IL1RAPL1: variants seen among roughly 807,000 people sequenced by gnomAD.
IL1RAPL1 encodes interleukin-1 receptor accessory protein-like 1.
IL1RAPL1 carries 3 observed loss-of-function variants against 48.4 expected under a neutral mutation model. That is an observed-to-expected ratio of 0.06 (90% CI 0.03 to 0.16). The LOEUF (loss-of-function observed/expected upper bound fraction) is 0.16, where lower values mean the gene tolerates loss of function less well. IL1RAPL1 is among the 10% of genes least tolerant of loss of function. IL1RAPL1 has a pLI of 1.00. For synonymous variants in IL1RAPL1, 185 were observed against 187.7 expected (o/e 0.99, Z 0.12); for missense variants, 349 against 530.6 (o/e 0.66, Z 3.36).
At chrX:29,226,172 T>C (rs1352192319) in intron 2 of IL1RAPL1, among the ~76,000 whole-genome samples, 2 of 111,966 alleles carry the variant, frequency 1.8e-5, no homozygotes, top group Non-Finnish European at 3.8e-5. Context: ...TACCATTGTC[T>C]GTCTAGATGG....
At chrX:28,822,117 C>T (rs1936943392) in intron 2 of IL1RAPL1, among the ~76,000 whole-genome samples, 1 of 111,120 alleles carries the variant, frequency 9.0e-6, no homozygotes, top group South Asian at 3.8e-4. Context: ...AGCTCCTCAT[C>T]ATGTACATTC....
chrX:28,988,714 A>G (rs1158245986), intron 2 of IL1RAPL1, among the ~76,000 whole-genome samples: 1 of 112,019 alleles, frequency 8.9e-6, no homozygotes, highest in Admixed American at 9.5e-5. Context: ...TGATCTCTGT[A>G]TTTTACATAA....
chrX:29,027,175 C>G (rs1193474881), intron 2 of IL1RAPL1, among the ~76,000 whole-genome samples: 1 of 112,109 alleles, frequency 8.9e-6, no homozygotes, highest in African/African-American at 3.2e-5. Context: ...CCCAAAAATC[C>G]TCTGTGCTCT....
chrX:29,696,135 G>C (rs1030036533), intron 6 of IL1RAPL1, among the ~76,000 whole-genome samples: 1 of 110,826 alleles, frequency 9.0e-6, no homozygotes, highest in African/African-American at 3.3e-5. Context: ...ATATACTATA[G>C]GATATTTATC....
At chrX:28,607,271 A>G (rs1934094113) in intron 1 of IL1RAPL1, among the ~76,000 whole-genome samples, 1 of 110,963 alleles carries the variant, frequency 9.0e-6, no homozygotes, top group African/African-American at 3.3e-5. Flanking sequence ...ATCTGACTGT[A>G]GATGCAGAGG....
At chrX:29,559,670 T>C (rs1184067217) in intron 5 of IL1RAPL1, among the ~76,000 whole-genome samples, 2 of 111,251 alleles carry the variant, frequency 1.8e-5, no homozygotes, top group African/African-American at 3.3e-5. Flanking sequence ...ATTTTGTGTA[T>C]CTACTAATTT....
At position 28,895,445 on chromosome X, in the gene IL1RAPL1, C is replaced by T. The variant is rs186350757; in HGVS notation, c.82+106020C>T. Among the ~76,000 whole-genome samples the T allele has an allele frequency of 4.5e-3, 439 of 97,072 alleles. 2 individuals are homozygous for T. Among genetic ancestry groups the T allele is most frequent in the African/African-American group, 0.017 (420 of 25,103 alleles). The allele number at this position is 97,072 out of a possible 115,157, so 84.3% of individuals were successfully genotyped here. On this transcript the variant is annotated intron_variant, in intron 2 of 10. Transcript: ENST00000378993. ...TCGGTCTCCAAGGAGGGAGTAGAGGCATCTTATACTTGTGGGTTAAGGTGG... is the reference window on the plus strand; with the variant it reads ...TCGGTCTCCAAGGAGGGAGTAGAGGTATCTTATACTTGTGGGTTAAGGTGG...
intron 2 of IL1RAPL1, among the ~76,000 whole-genome samples, chrX:28,871,297 A>G (rs1331745602): frequency 8.9e-6 from 1 of 112,165 alleles, no homozygotes; most frequent in African/African-American, 3.2e-5. Context: ...ATGAGATAAC[A>G]TAGACCTGCT....
intron 6 of IL1RAPL1, among the ~76,000 whole-genome samples, chrX:29,740,569 A>G: frequency 9.0e-6 from 1 of 111,372 alleles, no homozygotes; most frequent in Middle Eastern, 4.6e-3. Context: ...CCTATATCCT[A>G]TAAATTATTC....
At chrX:29,319,735 A>T (rs1031445182) in intron 3 of IL1RAPL1, among the ~76,000 whole-genome samples, 2 of 110,665 alleles carry the variant, frequency 1.8e-5, no homozygotes, top group Non-Finnish European at 1.9e-5. Context: ...CATTCATTGC[A>T]TTGTGAAGTT....
chrX:29,662,184 A>G (rs1044099820), intron 5 of IL1RAPL1, among the ~76,000 whole-genome samples: 1 of 111,700 alleles, frequency 9.0e-6, no homozygotes, highest in African/African-American at 3.3e-5. Flanking sequence ...CATTATAGAT[A>G]CAGTGGCATT....
At chrX:29,480,932 T>A in intron 5 of IL1RAPL1, among the ~76,000 whole-genome samples, 1 of 112,175 alleles carries the variant, frequency 8.9e-6, no homozygotes, top group Admixed American at 9.5e-5. Flanking sequence ...CTTTCTTAGT[T>A]ATGTTTTCTT....
In IL1RAPL1 at chrX:29,783,550, G is replaced by T. The variant is rs1034522152; in HGVS notation, c.778+115046G>T. The stretch of plus-strand genomic sequence containing the variant: ...GAGATGAGTTGGAGGTCGGTAGTCT[G>T]GGAAAAAGTGAAGAAATCATGCCAA... On this transcript the variant is annotated intron_variant, in intron 6 of 10. Coordinates refer to ENST00000378993, the MANE Select transcript of IL1RAPL1 (RefSeq NM_014271.4). 1.8e-5 allele frequency among the ~76,000 whole-genome samples: 2 copies of T among 111,694 alleles called. 1 individual carries two copies. The highest frequency in any genetic ancestry group is 7.5e-4 in the South Asian group (2 of 2,660).
At chrX:29,210,064 A>G (rs1267625863) in intron 2 of IL1RAPL1, among the ~76,000 whole-genome samples, 1 of 112,140 alleles carries the variant, frequency 8.9e-6, no homozygotes, top group Non-Finnish European at 1.9e-5. Flanking sequence ...CAAATTAATC[A>G]TGTGTTTTGT....
chrX:29,523,822 C>T (rs1317812622), intron 5 of IL1RAPL1, among the ~76,000 whole-genome samples: 1 of 111,320 alleles, frequency 9.0e-6, no homozygotes, highest in Non-Finnish European at 1.9e-5. Flanking sequence ...ACTAGCTGCT[C>T]AGTTCTTCTA....
intron 5 of IL1RAPL1, among the ~76,000 whole-genome samples, chrX:29,575,076 C>T (rs919657553): frequency 6.3e-5 from 7 of 111,761 alleles, no homozygotes; most frequent in Non-Finnish European, 1.1e-4. Flanking sequence ...CCTCAGCTTC[C>T]CATCTTCTTC....
chrX:29,252,967 C>G (rs6630835), intron 2 of IL1RAPL1, among the ~76,000 whole-genome samples: 2 of 110,641 alleles, frequency 1.8e-5, no homozygotes, highest in Admixed American at 1.9e-4. Flanking sequence ...AGGTAAAATA[C>G]ACTACAATCA....
At chrX:28,916,757 G>C (rs1005489353) in intron 2 of IL1RAPL1, among the ~76,000 whole-genome samples, 3 of 112,137 alleles carry the variant, frequency 2.7e-5, no homozygotes, top group African/African-American at 9.7e-5. Flanking sequence ...GCATTACCTA[G>C]GTGAGCTTCA....
At chrX:29,561,675 A>G (rs1465211317) in intron 5 of IL1RAPL1, among the ~76,000 whole-genome samples, 1 of 111,942 alleles carries the variant, frequency 8.9e-6, no homozygotes, top group Non-Finnish European at 1.9e-5. Flanking sequence ...TGATGCAAGT[A>G]AAATGAAACT....
Sources: gnomAD v4.1 joint callset for allele counts (sites outside exome capture counted in the v4.1 genomes callset) on GRCh38, gnomAD v4.1.1 for gene constraint, MANE v1.5 for transcripts, NCBI Gene and HGNC (gene_info 2026-07-23, HGNC 2026-07-21) for gene names.